The following SLC18A2 variants were observed in gnomAD, a reference collection of about 807,000 sequenced individuals.
SLC18A2 encodes solute carrier family 18 member A2.
A neutral mutation model predicts 59.2 loss-of-function variants in SLC18A2; 33 were observed. That is an observed-to-expected ratio of 0.56 (90% confidence interval 0.42 to 0.75). The LOEUF (loss-of-function observed/expected upper bound fraction) is 0.75. Among genes scored for constraint, SLC18A2 ranks in the 30% least tolerant of loss-of-function variants. The pLI is 0.00. For synonymous variants in SLC18A2, 228 were observed against 253.5 expected, an observed-to-expected ratio of 0.90 and a Z score of 0.95; for missense variants, 569 against 668.6, an observed-to-expected ratio of 0.85 and a Z score of 1.64.
At chr10:117,249,631 T>C (rs1217973411) in intron 3 of SLC18A2, among the ~76,000 whole-genome samples, 1 of 152,224 alleles carries the variant, frequency 6.6e-6, no homozygotes, top group Non-Finnish European at 1.5e-5. Context: ...TAGAGGAAAC[T>C]GTGGTTTTAG....
chr10:117,241,526 C>A, intron 1 of SLC18A2, 153 bp from the exon 2 acceptor site: 3 of 787,026 alleles, frequency 3.8e-6, no homozygotes, highest in African/African-American at 3.7e-5. Context: ...CGTGGGGACG[C>A]GCTCGAGGCA....
At position 117,277,184 on chromosome 10, in the gene SLC18A2, G is replaced by A; in HGVS notation, c.1463G>A (p.Cys488Tyr). 1 of 1,605,592 alleles carries A rather than the reference G, an allele frequency of 6.2e-7. No individual in the cohort carries two copies. The highest frequency in any genetic ancestry group is 1.3e-5 in the African/African-American group (1 of 74,776). ...TAGGCTATTCTCATGGATCACAACT[G>A]CCCTATTAAAACAAAAATGTACACT... ...EKMAILMDHN[C>Y]PIKTKMYTQN... is the part of the protein sequence containing the mutation. Residue 488 changes from cysteine (C) to tyrosine (Y), a missense_variant, in exon 16 of 16, where the codon TGC becomes TAC. Cys to Tyr is a radical substitution (Grantham distance 194, BLOSUM62 -2). Transcript: ENST00000644641.
chr10:117,253,469 G>T lies in SLC18A2; in HGVS notation c.523+12G>T, dbSNP rs1467649815. The T allele has an allele frequency of 6.3e-7, 1 of 1,593,408 alleles. No homozygotes were observed. The highest frequency in any genetic ancestry group is 2.3e-5 in the East Asian group (1 of 43,706). On this transcript the variant is annotated intron_variant, in intron 4 of 15. Transcript: ENST00000644641. Reference sequence around the variant, plus strand: ...TGTCTCAACAATTAGTAAGTGTGTGGTGTTTTCCTTCTGAGTGTGGGTCTC... The same window carrying T: ...TGTCTCAACAATTAGTAAGTGTGTGTTGTTTTCCTTCTGAGTGTGGGTCTC...
intron 6 of SLC18A2, 133 bp downstream of exon 6, chr10:117,254,630 T>A: frequency 2.0e-6 from 1 of 501,948 alleles, no homozygotes; most frequent in Non-Finnish European, 3.4e-6. Flanking sequence ...TTTCCTTTCC[T>A]GCTTTCATGG....
At chr10:117,263,756 A>T (rs1443922304) in intron 10 of SLC18A2, among the ~76,000 whole-genome samples, 3 of 152,190 alleles carry the variant, frequency 2.0e-5, no homozygotes, top group Non-Finnish European at 2.9e-5. Flanking sequence ...GCCCTGGACA[A>T]CAGGCCCCAG....
At position 117,269,305 on chromosome 10, in the gene SLC18A2, ACACAG is replaced by A; in HGVS notation, c.1187-765_1187-761del. Among the ~76,000 whole-genome samples the A allele has an allele frequency of 6.7e-6, 1 of 148,216 alleles. No individual in the cohort carries two copies. The highest frequency in any genetic ancestry group is 2.2e-4 in the South Asian group (1 of 4,582). ...TGTACACACATATATACACATACAT[ACACAG>A]ATACATATATACATATACATAATAC... On this transcript the variant is annotated intron_variant, in intron 13 of 15. Coordinates refer to ENST00000644641, the MANE Select transcript of SLC18A2 (RefSeq NM_003054.6). The surrounding 1 kb of genome is among the most constrained non-coding windows in gnomAD (Gnocchi z 5.1).
chr10:117,276,613 C>CAAAAAAAAAAAAAAAAAA (rs1161850365), intron 15 of SLC18A2, among the ~76,000 whole-genome samples: 3 of 46,710 alleles, frequency 6.4e-5, no homozygotes, highest in East Asian at 1.4e-3. Flanking sequence ...GACTTCATCT[C>CAAAAAAAAAAAAAAAAAA]AAAAAAAAAA....
chr10:117,243,394 A>G (rs1171978926), intron 2 of SLC18A2, among the ~76,000 whole-genome samples: 1 of 152,198 alleles, frequency 6.6e-6, no homozygotes, highest in Non-Finnish European at 1.5e-5. Context: ...TCAGTTCAGC[A>G]CAGCAGCTGC....
chr10:117,252,698 A>G (rs1436739933), intron 3 of SLC18A2, among the ~76,000 whole-genome samples: 1 of 152,010 alleles, frequency 6.6e-6, no homozygotes, highest in East Asian at 1.9e-4. Flanking sequence ...CTCTTTCTGT[A>G]CTCCAGTCCT....
At chr10:117,241,861 C>A in intron 2 of SLC18A2, 47 bp downstream of exon 2, 1 of 1,550,566 alleles carries the variant, frequency 6.4e-7, no homozygotes, top group Non-Finnish European at 8.7e-7. Context: ...AGCCCCAGCG[C>A]CCCTTCCCCG....
chr10:117,243,921 G>C (rs753840165), intron 2 of SLC18A2, 50 bp from the exon 3 acceptor site: 4 of 1,470,536 alleles, frequency 2.7e-6, no homozygotes, highest in Non-Finnish European at 3.7e-6. Context: ...TTTTTTCCTG[G>C]AGAGGGTTTC....
At chr10:117,250,533 A>T (rs1053921348) in intron 3 of SLC18A2, among the ~76,000 whole-genome samples, 1 of 152,204 alleles carries the variant, frequency 6.6e-6, no homozygotes, top group African/African-American at 2.4e-5. Flanking sequence ...CAGTACCTCA[A>T]ATGGTAAAAA....
At position 117,244,213 on chromosome 10, in the gene SLC18A2, A is replaced by C; in HGVS notation, c.364A>C (p.Lys122Gln). 6.2e-7 allele frequency: 1 copy of C among 1,614,246 alleles called. No individual in the cohort carries two copies. The highest frequency in any genetic ancestry group is 8.5e-7 in the Non-Finnish European group (1 of 1,180,056). ...TCCTTCCGACTGTCCCAGTGAAGACAAAGACCTCCTGAATGAAAACGTGCA... is the reference window on the plus strand; with the variant it reads ...TCCTTCCGACTGTCCCAGTGAAGACCAAGACCTCCTGAATGAAAACGTGCA... ...AVPSDCPSEDKDLLNENVQVG... is the reference protein window; with the variant it reads ...AVPSDCPSEDQDLLNENVQVG... The change falls in exon 3 of 16, where the codon AAA (lysine) becomes CAA (glutamine). Residue 122 changes from lysine to glutamine, a missense_variant. Lys to Gln is a moderately conservative substitution (Grantham distance 53). Around this residue, in one of 2 missense-constraint regions of SLC18A2, gnomAD observed 377 missense variants for 389.8 expected, o/e 0.97. Transcript: ENST00000644641.
chr10:117,245,511 G>A (rs929674059), intron 3 of SLC18A2, among the ~76,000 whole-genome samples: 3 of 152,066 alleles, frequency 2.0e-5, no homozygotes, highest in African/African-American at 7.2e-5. Flanking sequence ...AGGGTAGGTG[G>A]GCAGGGAGCA....
chr10:117,275,586 C>G (rs1047545567), intron 15 of SLC18A2, among the ~76,000 whole-genome samples: 29 of 152,328 alleles, frequency 1.9e-4, no homozygotes, highest in African/African-American at 6.7e-4. Context: ...CTGCAGGCGG[C>G]TCCTGTCTGC....
intron 15 of SLC18A2, among the ~76,000 whole-genome samples, chr10:117,273,194 T>C (rs1436338492): frequency 6.6e-6 from 1 of 152,252 alleles, no homozygotes; most frequent in Non-Finnish European, 1.5e-5. Flanking sequence ...TTTGGTTTAC[T>C]GGATTTCTGT....
rs1844404711 is a variant in SLC18A2 at position 117,269,930 on chromosome 10, T to C, written c.1187-141T>C. 2 of 963,064 alleles carry C rather than the reference T, an allele frequency of 2.1e-6. No individual in the cohort carries two copies. The highest frequency in any genetic ancestry group is 5.2e-5 in the East Asian group (2 of 38,412). The allele number at this position is 963,064 out of a possible 1,614,324, so 59.7% of individuals were successfully genotyped here. A position where few individuals can be genotyped will look rare whatever the true frequency, so the allele number is the denominator to read the frequency against. ...TTCATTCTTTCTACTCAAAGATTAG[T>C]ATCACCCCAAGACTTGCAGGTGGTG... On this transcript the variant is annotated intron_variant, in intron 13 of 15. Transcript: ENST00000644641. This position sits in a 1 kb window ranked among gnomAD's most constrained non-coding sequence, Gnocchi z 5.1.
chr10:117,270,209 C>T lies in SLC18A2; in HGVS notation c.1306+19C>T, dbSNP rs1844409767. ...GCTATAGGTAAGGACATTGGCTTTTCATAAGAACCTTTTACCTCAATACGT... is the reference window on the plus strand; with the variant it reads ...GCTATAGGTAAGGACATTGGCTTTTTATAAGAACCTTTTACCTCAATACGT... On this transcript the variant is annotated intron_variant, in intron 14 of 15. Coordinates refer to ENST00000644641, the MANE Select transcript of SLC18A2 (RefSeq NM_003054.6). 1.2e-6 allele frequency: 2 copies of T among 1,613,906 alleles called. No individual in the cohort carries two copies. Among genetic ancestry groups the T allele is most frequent in the South Asian group, 1.1e-5 (1 of 91,006 alleles).
At chr10:117,272,501 G>A (rs997602627) in intron 15 of SLC18A2, among the ~76,000 whole-genome samples, 2 of 152,172 alleles carry the variant, frequency 1.3e-5, no homozygotes, top group Non-Finnish European at 2.9e-5. Context: ...TTCCGCAGAA[G>A]GACTGGCAGA....
Sources: allele counts gnomAD v4.1 joint callset (sites outside exome capture counted in the v4.1 genomes callset), GRCh38; gene constraint gnomAD v4.1.1; regional missense constraint gnomAD v4.1.1; non-coding constraint Gnocchi (gnomAD v3.1); transcripts MANE v1.5; gene names NCBI Gene and HGNC (gene_info 2026-07-23, HGNC 2026-07-21).